The following PTPRD variants were observed in gnomAD, a reference collection of about 807,000 sequenced individuals.
PTPRD encodes receptor-type tyrosine-protein phosphatase delta.
A neutral mutation model predicts 214.5 loss-of-function variants in PTPRD; 34 were observed. The observed-to-expected ratio is 0.16, with a 90% confidence interval of 0.12 to 0.21. The LOEUF is 0.21. Among genes scored for constraint, PTPRD ranks in the 10% least tolerant of loss-of-function variants. The pLI, the probability that PTPRD is intolerant of heterozygous loss-of-function variation, is 1.00. For missense variants in PTPRD, 2,545 were observed against 2,398.7 expected (o/e 1.06, Z -1.27); for synonymous variants, 1,128 against 845.7 (o/e 1.33, Z -5.79).
intron 3 of PTPRD, among the ~76,000 whole-genome samples, chr9:10,227,724 TTG>T (rs2099593675): frequency 6.6e-6 from 1 of 151,718 alleles, no homozygotes; most frequent in African/African-American, 2.4e-5. Context: ...ATTTGCTTGC[TTG>T]TTTGTTTTGT....
At chr9:10,009,888 A>T (rs1343627568) in intron 4 of PTPRD, among the ~76,000 whole-genome samples, 5 of 151,754 alleles carry the variant, frequency 3.3e-5, no homozygotes, top group African/African-American at 7.3e-5. Flanking sequence ...CAGTCTTAAG[A>T]CCTCTGTTTT....
intron 2 of PTPRD, among the ~76,000 whole-genome samples, chr9:10,400,694 A>C (rs2098255342): frequency 6.7e-6 from 1 of 150,364 alleles, no homozygotes; most frequent in African/African-American, 2.5e-5. Context: ...AATAATAATA[A>C]TCAGAGTAAT....
chr9:9,472,805 A>G (rs2094717955), intron 8 of PTPRD, among the ~76,000 whole-genome samples: 1 of 152,102 alleles, frequency 6.6e-6, no homozygotes, highest in Non-Finnish European at 1.5e-5. Context: ...AAACATTTCA[A>G]CTCATCTTAT....
chr9:9,031,517 C>T (rs1439106990), intron 10 of PTPRD, among the ~76,000 whole-genome samples: 2 of 151,926 alleles, frequency 1.3e-5, no homozygotes, highest in East Asian at 1.9e-4. Flanking sequence ...CATATATAAC[C>T]ATAGAGAAGG....
chr9:8,556,921 A>G (rs921436447), intron 14 of PTPRD, among the ~76,000 whole-genome samples: 3 of 152,146 alleles, frequency 2.0e-5, no homozygotes, highest in African/African-American at 7.2e-5. Context: ...TCCCGAGTTG[A>G]CCTTTATAGT....
chr9:8,318,246 C>G (rs1293911571), intron 45 of PTPRD, among the ~76,000 whole-genome samples: 1 of 151,936 alleles, frequency 6.6e-6, no homozygotes, highest in African/African-American at 2.4e-5. Context: ...ACCATTACCA[C>G]CAATTGAACA....
chr9:10,189,809 G>A (rs925101775), intron 3 of PTPRD, among the ~76,000 whole-genome samples: 1 of 152,050 alleles, frequency 6.6e-6, no homozygotes, highest in East Asian at 1.9e-4. Flanking sequence ...TATAAACCAA[G>A]ACTCAAAGAA....
intron 2 of PTPRD, among the ~76,000 whole-genome samples, chr9:10,551,876 G>A (rs902408834): frequency 1.3e-5 from 2 of 152,128 alleles, no homozygotes; most frequent in East Asian, 3.9e-4. Context: ...CCTGAGACTT[G>A]AAACATGCTG....
chr9:8,838,142 A>C (rs1192360729), intron 11 of PTPRD, among the ~76,000 whole-genome samples: 1 of 152,182 alleles, frequency 6.6e-6, no homozygotes, highest in African/African-American at 2.4e-5. Context: ...GGTTATGATG[A>C]CTGACTTAAT....
At chr9:9,928,056 T>C (rs2084971234) in intron 5 of PTPRD, among the ~76,000 whole-genome samples, 1 of 152,180 alleles carries the variant, frequency 6.6e-6, no homozygotes, top group South Asian at 2.1e-4. Context: ...ACGTTTCATC[T>C]TCTGATCATT....
intron 9 of PTPRD, among the ~76,000 whole-genome samples, chr9:9,243,392 C>T (rs201284495): frequency 6.6e-6 from 1 of 152,056 alleles, no homozygotes; most frequent in Non-Finnish European, 1.5e-5. Context: ...AAATCCTCAA[C>T]AAAATACTGG....
chr9:8,862,122 C>G (rs1310502982), intron 11 of PTPRD: 1 of 152,180 alleles, frequency 6.6e-6, no homozygotes, highest in African/African-American at 2.4e-5. Flanking sequence ...TTTTGGAGGC[C>G]AAGGCAGGCA....
chr9:8,363,267 C>G (rs1429223262), intron 39 of PTPRD, among the ~76,000 whole-genome samples: 3 of 152,082 alleles, frequency 2.0e-5, no homozygotes, highest in Admixed American at 6.5e-5. Context: ...TTTAAAAAAC[C>G]CAGCATCTTC....
chr9:8,751,420 G>A (rs1004563072), intron 11 of PTPRD, among the ~76,000 whole-genome samples: 15 of 150,970 alleles, frequency 9.9e-5, no homozygotes, highest in African/African-American at 3.4e-4. Context: ...AAAAAGAAAA[G>A]AAAAAAAAAT....
intron 3 of PTPRD, among the ~76,000 whole-genome samples, chr9:10,328,470 T>C (rs1343843450): frequency 6.6e-6 from 1 of 151,708 alleles, no homozygotes. Context: ...AAATGTGCAT[T>C]GCACACCCCT....
chr9:8,522,639 C>T (rs1334501667), intron 19 of PTPRD, among the ~76,000 whole-genome samples: 1 of 152,068 alleles, frequency 6.6e-6, no homozygotes, highest in Non-Finnish European at 1.5e-5. Context: ...AATTACCAAG[C>T]AATTTCAGTT....
intron 5 of PTPRD, among the ~76,000 whole-genome samples, chr9:9,871,009 A>G (rs907144658): frequency 6.6e-6 from 1 of 152,172 alleles, no homozygotes; most frequent in Non-Finnish European, 1.5e-5. Context: ...CTACTCCATA[A>G]AAATTAAGAG....
rs984511204 is a variant in PTPRD, at chr9:8,685,914, C to T, written c.64+47866G>A. On this transcript the variant is annotated intron_variant, in intron 12 of 45. Transcript: ENST00000381196. ...GTCTTTAAAAATAAAAGACTCAAGC[C>T]AGATTGGACAGTTTTCTTTGAAATT... 2.0e-5 allele frequency among the ~76,000 whole-genome samples: 3 copies of T among 152,280 alleles called. No homozygotes were observed. The South Asian group carries it at 6.2e-4, about 32-fold the overall frequency.
chr9:10,574,703 T>C, intron 2 of PTPRD, among the ~76,000 whole-genome samples: 1 of 151,696 alleles, frequency 6.6e-6, no homozygotes, highest in East Asian at 1.9e-4. Context: ...TGCTTCCATT[T>C]CTATATTAAC....
Sources: gnomAD v4.1 joint callset for allele counts (sites outside exome capture counted in the v4.1 genomes callset) on GRCh38, gnomAD v4.1.1 for gene constraint, MANE v1.5 for transcripts, NCBI Gene and HGNC (gene_info 2026-07-23, HGNC 2026-07-21) for gene names.